The following HDAC9 variants were observed in gnomAD, a reference collection of about 807,000 sequenced individuals.
The protein encoded by HDAC9 is histone deacetylase 9.
HDAC9 carries 41 observed loss-of-function variants against 139.4 expected under a neutral mutation model. The observed-to-expected ratio is 0.29, with a 90% CI of 0.23 to 0.38. The LOEUF (loss-of-function observed/expected upper bound fraction) is 0.38, where lower values mean the gene tolerates loss of function less well. Among genes scored for constraint, HDAC9 ranks in the 10% least tolerant of loss-of-function variants. HDAC9 has a pLI of 1.00. For synonymous variants in HDAC9, 517 were observed against 476.2 expected (o/e 1.09, Z -1.12); for missense variants, 1,147 against 1,297.0 (o/e 0.88, Z 1.78).
intron 1 of HDAC9, among the ~76,000 whole-genome samples, chr7:18,421,245 A>T (rs1429537638): frequency 6.6e-6 from 1 of 152,196 alleles, no homozygotes; most frequent in Non-Finnish European, 1.5e-5. Flanking sequence ...GTTTAAAAGT[A>T]GTTCTTTAAG....
At chr7:18,395,565 C>T (rs1786950171) in intron 1 of HDAC9, among the ~76,000 whole-genome samples, 1 of 151,382 alleles carries the variant, frequency 6.6e-6, no homozygotes, top group South Asian at 2.1e-4. Flanking sequence ...AGATACCTCC[C>T]CACTCTTATG....
intron 25 of HDAC9, among the ~76,000 whole-genome samples, chr7:18,988,274 G>C (rs549860533): frequency 1.4e-4 from 22 of 152,030 alleles, no homozygotes; most frequent in Middle Eastern, 3.4e-3. Flanking sequence ...CTTTGTTCTC[G>C]TTGGTTTCAA....
chr7:18,673,027 T>C (rs972403255), intron 12 of HDAC9, among the ~76,000 whole-genome samples: 4 of 152,060 alleles, frequency 2.6e-5, no homozygotes, highest in African/African-American at 9.7e-5. Flanking sequence ...TTCCTTTTTT[T>C]CTGGTGCTCT....
intron 1 of HDAC9, among the ~76,000 whole-genome samples, chr7:18,159,936 C>T (rs897052100): frequency 5.9e-5 from 9 of 152,028 alleles, no homozygotes; most frequent in African/African-American, 2.2e-4. Flanking sequence ...TATTTCCATC[C>T]CAGATTTACT....
chr7:18,462,354 G>A (rs111781428), intron 1 of HDAC9, among the ~76,000 whole-genome samples: 1 of 151,852 alleles, frequency 6.6e-6, no homozygotes, highest in Non-Finnish European at 1.5e-5. Context: ...ATTATTACTC[G>A]ATTATTTTTA....
At chr7:18,749,829 T>C (rs1363761796) in intron 14 of HDAC9, among the ~76,000 whole-genome samples, 2 of 152,202 alleles carry the variant, frequency 1.3e-5, no homozygotes, top group Non-Finnish European at 2.9e-5. Context: ...ATGTCCATTG[T>C]TGTCTGAAAT....
At chr7:18,221,608 G>C (rs2128175989) in intron 2 of HDAC9, among the ~76,000 whole-genome samples, 1 of 152,286 alleles carries the variant, frequency 6.6e-6, no homozygotes, top group East Asian at 1.9e-4. Context: ...ACTGGTAAGT[G>C]TTAGTTCAGA....
At chr7:18,257,428 CACACACACAA>C (rs1170168912) in intron 2 of HDAC9, among the ~76,000 whole-genome samples, 82 of 150,606 alleles carry the variant, frequency 5.4e-4, no homozygotes, top group African/African-American at 1.9e-3. Flanking sequence ...CACACACACA[CACACACACAA>C]AAAGAAAAAA....
chr7:18,400,905 G>T (rs1585634527), intron 1 of HDAC9, among the ~76,000 whole-genome samples: 1 of 152,102 alleles, frequency 6.6e-6, no homozygotes, highest in Non-Finnish European at 1.5e-5. Context: ...ATGGATTGAG[G>T]CCTGAGTGTT....
At chr7:18,549,550 A>G (rs1563238409) in intron 2 of HDAC9, among the ~76,000 whole-genome samples, 1 of 152,154 alleles carries the variant, frequency 6.6e-6, no homozygotes, top group South Asian at 2.1e-4. Context: ...AAAAAAGCCA[A>G]TTTCAACAGT....
chr7:18,565,198 G>A (rs531937351), intron 2 of HDAC9, among the ~76,000 whole-genome samples: 1 of 151,998 alleles, frequency 6.6e-6, no homozygotes, highest in Non-Finnish European at 1.5e-5. Context: ...GTTTCTCCAC[G>A]TTGGTCAGGC....
intron 1 of HDAC9, among the ~76,000 whole-genome samples, chr7:18,345,054 A>G (rs1231879482): frequency 1.3e-5 from 2 of 151,962 alleles, no homozygotes; most frequent in Non-Finnish European, 2.9e-5. Flanking sequence ...GAGAAGATGA[A>G]GTTTATAGCC....
intron 1 of HDAC9, among the ~76,000 whole-genome samples, chr7:18,370,044 A>G (rs1158180086): frequency 2.6e-5 from 4 of 152,172 alleles, no homozygotes; most frequent in Admixed American, 2.6e-4. Context: ...TTGTAACTAC[A>G]AACAGAACTT....
intron 2 of HDAC9, among the ~76,000 whole-genome samples, chr7:18,207,499 T>C (rs1201344276): frequency 6.7e-6 from 1 of 148,554 alleles, no homozygotes; most frequent in Admixed American, 6.7e-5. Flanking sequence ...CTTGAACTCC[T>C]GGGCTCAAGC....
intron 22 of HDAC9, among the ~76,000 whole-genome samples, chr7:18,880,814 T>C (rs1799678595): frequency 7.5e-6 from 1 of 132,578 alleles, no homozygotes; most frequent in Non-Finnish European, 1.6e-5. Flanking sequence ...AAAAATTAAG[T>C]GATTTAAAAA....
chr7:18,666,981 T>A lies in HDAC9; in HGVS notation c.1731+505T>A, dbSNP rs889286302. Reference sequence around the variant, plus strand: ...ATCATACTATAGTCTTGAACACTGTTAAAGGTAGTCTGCCCCTTCCTTCCT... The same window carrying A: ...ATCATACTATAGTCTTGAACACTGTAAAAGGTAGTCTGCCCCTTCCTTCCT... On this transcript the variant is annotated intron_variant, in intron 12 of 25. Coordinates refer to ENST00000686413, the MANE Select transcript of HDAC9 (RefSeq NM_178425.4). The A allele has an allele frequency of 1.3e-5, 13 of 985,564 alleles. No individual in the cohort carries two copies. In the African/African-American group the frequency reaches 2.3e-4, roughly 17 times the overall value. The allele number at this position is 985,564 out of a possible 1,614,324, so 61.1% of individuals were successfully genotyped here. A position where few individuals can be genotyped will look rare whatever the true frequency, so the allele number is the denominator to read the frequency against.
chr7:18,820,831 G>A (rs1486265409), intron 17 of HDAC9, among the ~76,000 whole-genome samples: 2 of 152,178 alleles, frequency 1.3e-5, no homozygotes, highest in South Asian at 2.1e-4. Flanking sequence ...ACCAAGAGGT[G>A]TATCATTAGA....
intron 1 of HDAC9, among the ~76,000 whole-genome samples, chr7:18,451,427 ATATGTGTG>A (rs1792845856): frequency 6.8e-6 from 1 of 146,738 alleles, no homozygotes; most frequent in African/African-American, 2.6e-5. Flanking sequence ...GTGTGTATAT[ATATGTGTG>A]TGTGTGTGTG....
intron 1 of HDAC9, among the ~76,000 whole-genome samples, chr7:18,373,160 AG>A (rs1330406527): frequency 6.6e-6 from 1 of 152,204 alleles, no homozygotes; most frequent in Non-Finnish European, 1.5e-5. Context: ...AACCACAAAA[AG>A]AACTGGAGTC....
Sources: allele counts gnomAD v4.1 joint callset (sites outside exome capture counted in the v4.1 genomes callset), GRCh38; gene constraint gnomAD v4.1.1; transcripts MANE v1.5; gene names NCBI Gene and HGNC (gene_info 2026-07-23, HGNC 2026-07-21).